Variants in SELP observed in about 807,000 individuals in gnomAD.
The protein encoded by SELP is selectin P.
SELP carries 92 observed loss-of-function variants against 104.1 expected under a neutral mutation model. The observed-to-expected ratio is 0.88, with a 90% CI of 0.75 to 1.05. SELP has a LOEUF of 1.05. SELP is among the 50% of genes least tolerant of loss of function. The pLI is 0.00. For missense variants in SELP, 1,022 were observed against 1,017.3 expected, an observed-to-expected ratio of 1.00 and a Z score of -0.06; for synonymous variants, 397 against 364.5, an observed-to-expected ratio of 1.09 and a Z score of -1.01.
chr1:169,609,555 C>T lies in SELP; in HGVS notation c.1282G>A (p.Val428Ile), dbSNP rs991241164. Residue 428 changes from valine (V) to isoleucine (I), a missense_variant, in exon 8 of 17, where the codon GTT becomes ATT. Coordinates refer to ENST00000263686, the MANE Select transcript of SELP (RefSeq NM_003005.4). Reference protein sequence around the residue: ...EGFMLRGADIVRCDNLGQWTA... With the variant: ...EGFMLRGADIIRCDNLGQWTA... ...CACTGTCCCAAGTTATCACACCGAA[C>T]TATATCGGCTCCTCTCAGCATGAAA... 2 of 1,613,954 alleles carry T rather than the reference C, an allele frequency of 1.2e-6. No homozygotes were observed. The highest frequency in any genetic ancestry group is 2.7e-5 in the African/African-American group (2 of 74,886).
In SELP at chr1:169,612,236, G is replaced by T; in HGVS notation, c.942C>A (p.Ala314=). Residue 314 remains alanine, a synonymous_variant, in exon 6 of 17, where the codon GCC becomes GCA. Transcript: ENST00000263686. ...VQCTASGVWT[A]PAPVCKAVQC... is the part of the protein sequence containing the mutation. ...ACTCACCTTTACACACTGGGGCTGG[G>T]GCTGTCCATACCCCCGAGGCTGTGC... 1 of 1,613,950 alleles carries T rather than the reference G, an allele frequency of 6.2e-7. No individual in the cohort carries two copies. Among genetic ancestry groups the T allele is most frequent in the Non-Finnish European group, 8.5e-7 (1 of 1,179,968 alleles).
intron 1 of SELP, among the ~76,000 whole-genome samples, chr1:169,628,771 C>G (rs952360806): frequency 1.3e-5 from 2 of 152,178 alleles, no homozygotes; most frequent in African/African-American, 4.8e-5. Flanking sequence ...GGAATAACTG[C>G]TCATTTAAGT....
At chr1:169,614,482 G>A (rs916630837) in intron 3 of SELP, among the ~76,000 whole-genome samples, 1 of 152,178 alleles carries the variant, frequency 6.6e-6, no homozygotes, top group African/African-American at 2.4e-5. Flanking sequence ...TGCACTTGAT[G>A]AGAATTAGTA....
intron 3 of SELP, among the ~76,000 whole-genome samples, chr1:169,614,383 A>G (rs1446358485): frequency 6.6e-6 from 1 of 152,234 alleles, no homozygotes; most frequent in African/African-American, 2.4e-5. Context: ...CTGAACTGCC[A>G]TGTCCTCTTC....
rs762138217 is a variant in SELP, at chr1:169,612,921, C to T, written c.775+8G>A. The T allele has an allele frequency of 6.3e-7, 1 of 1,592,880 alleles. No homozygotes were observed. The highest frequency in any genetic ancestry group is 1.1e-5 in the South Asian group (1 of 89,250). ...TCAGTGAGGATGAAAAGAATAAGGT[C>T]TACATACCTAAACACTGTGGAGGCT... is the stretch of plus-strand genomic sequence containing the variant. On this transcript the variant is annotated splice_region_variant and intron_variant, in intron 5 of 16. Coordinates refer to ENST00000263686, the MANE Select transcript of SELP (RefSeq NM_003005.4).
rs553735119 is a variant in SELP, at chr1:169,616,408, T to C, written c.481+620A>G. On this transcript the variant is annotated intron_variant, in intron 3 of 16. Coordinates refer to ENST00000263686, the MANE Select transcript of SELP (RefSeq NM_003005.4). ...TCCACCATCAACTAGCTTAGAACCC[T>C]GGGCAGATTACTTAATAGCTCTGAG... is the stretch of plus-strand genomic sequence containing the variant. Among the ~76,000 whole-genome samples the C allele has an allele frequency of 6.4e-4, 97 of 152,352 alleles. 1 individual carries two copies. Among genetic ancestry groups the C allele is most frequent in the Middle Eastern group, 3.4e-3 (1 of 294 alleles).
chr1:169,609,919 G>A (rs1662421823), intron 7 of SELP, among the ~76,000 whole-genome samples: 1 of 151,904 alleles, frequency 6.6e-6, no homozygotes, highest in Admixed American at 6.6e-5. Flanking sequence ...CTTTCCTTAG[G>A]AAGCCCTCCC....
rs1295125987 is a variant in SELP at position 169,594,835 on chromosome 1, A to C, written c.2144T>G (p.Met715Arg). 16 of 1,613,696 alleles carry C rather than the reference A, an allele frequency of 9.9e-6. No homozygotes were observed. Among genetic ancestry groups the C allele is most frequent in the Non-Finnish European group, 1.3e-5 (15 of 1,179,786 alleles). ...GTTTCCCCAGAGGTTGGAGCAGTTC[A>C]TCGCTATTGGCTTATTAACATGTAG... ...SELHVNKPIA[M>R]NCSNLWGNFS... is the part of the protein sequence containing the mutation. Residue 715 changes from methionine to arginine, a missense_variant, in exon 13 of 17, where the codon ATG becomes AGG. Physicochemically the swap from Met to Arg is moderately conservative, Grantham distance 91 (BLOSUM62 -1). Coordinates refer to ENST00000263686, the MANE Select transcript of SELP (RefSeq NM_003005.4).
intron 1 of SELP, among the ~76,000 whole-genome samples, chr1:169,625,120 C>T (rs1663313884): frequency 6.6e-6 from 1 of 152,146 alleles, no homozygotes; most frequent in South Asian, 2.1e-4. Flanking sequence ...ACTGCCCGAC[C>T]ATCCTATCAA....
rs3917761 is a variant in SELP, at chr1:169,605,491, G to A, written c.1519+1458C>T. On this transcript the variant is annotated intron_variant, in intron 9 of 16. Transcript: ENST00000263686. ...TTAACAATGGGGTGTGTGTGTGGGG[G>A]GTGTGTGTGTGTGTATGTGATTATG... 1.2e-4 allele frequency among the ~76,000 whole-genome samples: 18 copies of A among 150,180 alleles called. No individual in the cohort carries two copies. The Admixed American group carries it at 1.2e-3, about 10-fold the overall frequency.
Position 169,591,421 on chromosome 1 carries a change from C to G in SELP, c.2438+5G>C. 1 of 1,576,850 alleles carries G rather than the reference C, an allele frequency of 6.3e-7. No individual in the cohort carries two copies. Among genetic ancestry groups the G allele is most frequent in the Non-Finnish European group, 8.6e-7 (1 of 1,160,338 alleles). On this transcript the variant is annotated splice_donor_5th_base_variant and intron_variant, in intron 15 of 16. Coordinates refer to ENST00000263686, the MANE Select transcript of SELP (RefSeq NM_003005.4). ...TTACTCAATCATAAAACATTTCTAC[C>G]TTACCTGTGAGGATTCAAGGGGCAT...
intron 9 of SELP, 57 bp from the exon 10 acceptor site, chr1:169,603,268 G>A (rs1662006012): frequency 2.0e-6 from 3 of 1,476,056 alleles, no homozygotes; most frequent in East Asian, 4.6e-5. Flanking sequence ...TCAGCAACCT[G>A]AACTCTGTAA....
intron 9 of SELP, among the ~76,000 whole-genome samples, chr1:169,604,503 G>A (rs558534445): frequency 6.6e-6 from 1 of 152,262 alleles, no homozygotes; most frequent in East Asian, 1.9e-4. Context: ...TGCTTTTGGT[G>A]TTTTAGACAT....
At chr1:169,618,511 G>C (rs2101917735) in intron 2 of SELP, among the ~76,000 whole-genome samples, 1 of 152,332 alleles carries the variant, frequency 6.6e-6, no homozygotes, top group South Asian at 2.1e-4. Context: ...ACATGAAGAG[G>C]TGTACAAAGC....
intron 3 of SELP, among the ~76,000 whole-genome samples, chr1:169,616,207 C>G (rs61805831): frequency 1.1e-4 from 17 of 152,220 alleles, no homozygotes; most frequent in Admixed American, 6.5e-4. Flanking sequence ...CACCACTACC[C>G]TCCCACCAAA....
chr1:169,621,188 GC>G (rs1663111595), intron 1 of SELP, among the ~76,000 whole-genome samples: 1 of 141,804 alleles, frequency 7.1e-6, no homozygotes, highest in Non-Finnish European at 1.5e-5. Context: ...CGTGTGTCAT[GC>G]CCCAGTGATG....
Position 169,613,580 on chromosome 1 carries a change from C to T in SELP, c.589+6G>A. 6.2e-7 allele frequency: 1 copy of T among 1,608,074 alleles called. No homozygotes were observed. The highest frequency in any genetic ancestry group is 8.5e-7 in the Non-Finnish European group (1 of 1,174,620). ...CAAAATAATATCAACAAAAAGGAAGCCTCACCGTATTCACATTCTGGCCCA... is the reference window on the plus strand; with the variant it reads ...CAAAATAATATCAACAAAAAGGAAGTCTCACCGTATTCACATTCTGGCCCA... On this transcript the variant is annotated splice_donor_region_variant and intron_variant, in intron 4 of 16. Transcript: ENST00000263686.
At chr1:169,609,076 G>A (rs1436019477) in intron 8 of SELP, among the ~76,000 whole-genome samples, 1 of 152,066 alleles carries the variant, frequency 6.6e-6, no homozygotes, top group Non-Finnish European at 1.5e-5. Flanking sequence ...TACTAGTGAG[G>A]CAGGTAGGTA....
At chr1:169,603,407 C>T (rs2205895) in intron 9 of SELP, among the ~76,000 whole-genome samples, 196 bp from the exon 10 acceptor site, 60,646 of 150,822 alleles carry the variant, frequency 0.4, 13,596 homozygotes, top group East Asian at 0.96. Context: ...CATGATGCTT[C>T]ATCACCAGTT....
Sources: gnomAD v4.1 joint callset for allele counts (sites outside exome capture counted in the v4.1 genomes callset) on GRCh38, gnomAD v4.1.1 for gene constraint, MANE v1.5 for transcripts, NCBI Gene and HGNC (gene_info 2026-07-23, HGNC 2026-07-21) for gene names.